Variants in CORO1C observed in about 807,000 individuals in gnomAD.
The protein encoded by CORO1C is coronin-1C.
In CORO1C, 14 loss-of-function variants were observed where a neutral mutation model predicts 51.2. The observed-to-expected ratio is 0.27, with a 90% CI of 0.18 to 0.43. The LOEUF is 0.43. CORO1C is among the 20% of genes least tolerant of loss of function. The pLI is 1.00. For missense variants in CORO1C, 417 were observed against 607.8 expected (o/e 0.69, Z 3.30); for synonymous variants, 181 against 210.5 (o/e 0.86, Z 1.21).
chr12:108,705,459 C>CCAA (rs1491404383), intron 1 of CORO1C, among the ~76,000 whole-genome samples: 9 of 63,400 alleles, frequency 1.4e-4, no homozygotes, highest in Non-Finnish European at 2.3e-4. Context: ...GACCCTGTCT[C>CCAA]AAAAAAAAAA....
intron 1 of CORO1C, among the ~76,000 whole-genome samples, chr12:108,719,071 C>T (rs966352663): frequency 6.6e-6 from 1 of 152,186 alleles, no homozygotes; most frequent in Non-Finnish European, 1.5e-5. Flanking sequence ...GCTGGTAAAA[C>T]TGTAGCCCTA....
At chr12:108,671,340 A>G (rs1031497458) in intron 3 of CORO1C, among the ~76,000 whole-genome samples, 3 of 152,048 alleles carry the variant, frequency 2.0e-5, no homozygotes, top group Admixed American at 6.5e-5. Context: ...AAGAAAGAAA[A>G]GGAGTGGGGG....
At chr12:108,716,402 T>A (rs2035338663) in intron 1 of CORO1C, among the ~76,000 whole-genome samples, 1 of 152,152 alleles carries the variant, frequency 6.6e-6, no homozygotes, top group South Asian at 2.1e-4. Context: ...AATAACTTCA[T>A]AAGGCTAGTC....
chr12:108,646,439 A>G lies in CORO1C; in HGVS notation c.*964T>C, dbSNP rs945516162. On this transcript the variant is annotated 3_prime_UTR_variant, in exon 11 of 11. Transcript: ENST00000261401. ...GCTGCTGAAAAGGGCAAGAAGGAAC[A>G]CTCAGCAGTACACGTCTTCCTGTCC... 1 of 152,170 alleles carries G rather than the reference A, an allele frequency of 6.6e-6. No individual in the cohort carries two copies. The highest frequency in any genetic ancestry group is 1.5e-5 in the Non-Finnish European group (1 of 68,074). The allele number at this position is 152,170 out of a possible 1,614,324, so 9.4% of individuals were successfully genotyped here. A position where few individuals can be genotyped will look rare whatever the true frequency, so the allele number is the denominator to read the frequency against.
At chr12:108,686,464 A>G (rs905576315) in intron 2 of CORO1C, among the ~76,000 whole-genome samples, 2 of 152,260 alleles carry the variant, frequency 1.3e-5, no homozygotes, top group African/African-American at 4.8e-5. Context: ...CTTTACTAAC[A>G]GATCAGTCCA....
chr12:108,718,096 G>A (rs1220588529), intron 1 of CORO1C, among the ~76,000 whole-genome samples: 1 of 152,170 alleles, frequency 6.6e-6, no homozygotes. Context: ...GCTCACGCCT[G>A]TAATCCCAGT....
At chr12:108,655,259 C>T (rs1174609758) in intron 6 of CORO1C, among the ~76,000 whole-genome samples, 1 of 152,172 alleles carries the variant, frequency 6.6e-6, no homozygotes, top group African/African-American at 2.4e-5. Flanking sequence ...TTGATTTAGA[C>T]AACTGATCAT....
At chr12:108,702,821 CCT>C in intron 1 of CORO1C, 1 of 1,532,142 alleles carries the variant, frequency 6.5e-7, no homozygotes, top group Non-Finnish European at 8.7e-7. Flanking sequence ...GTGAAAGTGG[CCT>C]CTCTCCAATG....
intron 2 of CORO1C, among the ~76,000 whole-genome samples, chr12:108,699,130 C>A (rs1222094800): frequency 6.6e-6 from 1 of 152,196 alleles, no homozygotes; most frequent in African/African-American, 2.4e-5. Context: ...ATTTGTAAAG[C>A]AACTTATTCT....
At chr12:108,679,389 T>C (rs1180286032) in intron 2 of CORO1C, among the ~76,000 whole-genome samples, 1 of 152,174 alleles carries the variant, frequency 6.6e-6, no homozygotes, top group Non-Finnish European at 1.5e-5. Flanking sequence ...TTTGCTCATG[T>C]CACACATTTG....
intron 1 of CORO1C, among the ~76,000 whole-genome samples, chr12:108,713,340 G>A (rs1172477747): frequency 6.6e-6 from 1 of 152,028 alleles, no homozygotes; most frequent in Non-Finnish European, 1.5e-5. Flanking sequence ...CCTTGATGTT[G>A]GTTCAATTGA....
intron 2 of CORO1C, among the ~76,000 whole-genome samples, 177 bp from the exon 3 acceptor site, chr12:108,678,571 G>A (rs890935363): frequency 3.3e-5 from 5 of 151,912 alleles, no homozygotes; most frequent in Non-Finnish European, 5.9e-5. Context: ...AAGGACATGC[G>A]ATCAAATTAC....
At chr12:108,693,322 A>G (rs1262248193) in intron 2 of CORO1C, among the ~76,000 whole-genome samples, 2 of 152,158 alleles carry the variant, frequency 1.3e-5, no homozygotes, top group East Asian at 1.9e-4. Flanking sequence ...AAACAGAGAC[A>G]CTGTTCATGA....
intron 2 of CORO1C, among the ~76,000 whole-genome samples, chr12:108,693,161 T>A (rs1055361436): frequency 1.3e-5 from 2 of 151,930 alleles, no homozygotes; most frequent in Non-Finnish European, 2.9e-5. Flanking sequence ...AGAAAAAAAA[T>A]TAATAAAAAT....
Position 108,667,048 on chromosome 12 carries a change from G to T in CORO1C, c.319-4890C>A, listed in dbSNP as rs182382735. On this transcript the variant is annotated intron_variant, in intron 3 of 10. Coordinates refer to ENST00000261401, the MANE Select transcript of CORO1C (RefSeq NM_014325.4). ...GGATACAATAACTAAATATTATCAT[G>T]CACATAAAGGCTTAGAATAGCGCGT... 3.7e-3 allele frequency among the ~76,000 whole-genome samples: 556 copies of T among 151,480 alleles called. 3 individuals are homozygous for T. The highest frequency in any genetic ancestry group is 6.1e-3 in the Non-Finnish European group (415 of 67,926).
At chr12:108,726,096 G>A (rs2035582528) in intron 1 of CORO1C, among the ~76,000 whole-genome samples, 5 of 152,116 alleles carry the variant, frequency 3.3e-5, no homozygotes, top group African/African-American at 1.2e-4. Context: ...GCTTCCCAAA[G>A]TGCTGGGATT....
At chr12:108,697,465 T>A (rs1311369068) in intron 2 of CORO1C, among the ~76,000 whole-genome samples, 1 of 152,252 alleles carries the variant, frequency 6.6e-6, no homozygotes, top group African/African-American at 2.4e-5. Flanking sequence ...CATTTCTTGC[T>A]ATCTTGATTT....
chr12:108,720,794 A>G (rs2035458989), intron 1 of CORO1C, among the ~76,000 whole-genome samples: 1 of 152,160 alleles, frequency 6.6e-6, no homozygotes, highest in Non-Finnish European at 1.5e-5. Flanking sequence ...AAGTGCTGGG[A>G]TTACAGGCAT....
intron 3 of CORO1C, among the ~76,000 whole-genome samples, chr12:108,663,308 T>G (rs1333810150): frequency 6.6e-6 from 1 of 152,212 alleles, no homozygotes; most frequent in African/African-American, 2.4e-5. Context: ...TATCATATGA[T>G]CCGGTAATTC....
Sources: allele counts gnomAD v4.1 joint callset (sites outside exome capture counted in the v4.1 genomes callset), GRCh38; gene constraint gnomAD v4.1.1; transcripts MANE v1.5; gene names NCBI Gene and HGNC (gene_info 2026-07-23, HGNC 2026-07-21).